TNFSF12: variants seen among roughly 807,000 people sequenced by gnomAD.
The protein encoded by TNFSF12 is TNF superfamily member 12, also known as tumor necrosis factor ligand superfamily member 12.
A neutral mutation model predicts 31.2 loss-of-function variants in TNFSF12; 16 were observed. That is an observed-to-expected ratio of 0.51 (90% CI 0.35 to 0.78). The LOEUF (loss-of-function observed/expected upper bound fraction) is 0.78. Among genes scored for constraint, TNFSF12 ranks in the 30% least tolerant of loss-of-function variants. TNFSF12 has a pLI of 0.01. For synonymous variants in TNFSF12, 150 were observed against 151.4 expected, an observed-to-expected ratio of 0.99 and a Z score of 0.07; for missense variants, 324 against 338.8, an observed-to-expected ratio of 0.96 and a Z score of 0.34.
At position 7,550,455 on chromosome 17, in the gene TNFSF12, C is replaced by G. The variant is rs115256008; in HGVS notation, c.283+260C>G. The stretch of plus-strand genomic sequence containing the variant: ...GGATCCTGATGGAGACTAGGCCTGG[C>G]AGTCAGAGGCCTGGGCCCCGGTAGG... On this transcript the variant is annotated intron_variant, in intron 3 of 6. Transcript: ENST00000293825. The surrounding 1 kb of genome is among the most constrained non-coding windows in gnomAD (Gnocchi z 4.4). 0.016 allele frequency among the ~76,000 whole-genome samples: 2,364 copies of G among 152,206 alleles called. 50 individuals are homozygous for G. The highest frequency in any genetic ancestry group is 0.053 in the African/African-American group (2,209 of 41,526).
At chr17:7,551,983 G>T (rs1045385420) in intron 5 of TNFSF12, among the ~76,000 whole-genome samples, 1 of 151,950 alleles carries the variant, frequency 6.6e-6, no homozygotes, top group African/African-American at 2.4e-5. Context: ...ATGGGGTTTT[G>T]CCATGTTTTC....
At chr17:7,551,750 G>A (rs1422316636) in intron 5 of TNFSF12, among the ~76,000 whole-genome samples, 7 of 152,122 alleles carry the variant, frequency 4.6e-5, no homozygotes, top group African/African-American at 1.7e-4. Context: ...TGGGTTGGAG[G>A]TGAAGAATAA....
Position 7,549,594 on chromosome 17 carries a change from T to C in TNFSF12, c.207+73T>C, listed in dbSNP as rs908631855. Reference sequence around the variant, plus strand: ...GTGCACAGCCGAGGCTGCAGGTGTGTGCAGCTGTGCCAGCCGTACTCGAGG... The same window carrying C: ...GTGCACAGCCGAGGCTGCAGGTGTGCGCAGCTGTGCCAGCCGTACTCGAGG... On this transcript the variant is annotated intron_variant, in intron 2 of 6. Transcript: ENST00000293825. This position sits in a 1 kb window ranked among gnomAD's most constrained non-coding sequence, Gnocchi z 4.1. The C allele has an allele frequency of 6.9e-7, 1 of 1,456,744 alleles. No individual in the cohort carries two copies. Among genetic ancestry groups the C allele is most frequent in the Non-Finnish European group, 9.1e-7 (1 of 1,098,498 alleles). The allele number at this position is 1,456,744 out of a possible 1,614,324, so 90.2% of individuals were successfully genotyped here. A position where few individuals can be genotyped will look rare whatever the true frequency, so the allele number is the denominator to read the frequency against.
Position 7,553,732 on chromosome 17 carries a change from G to T in TNFSF12, c.373+2754G>T, listed in dbSNP as rs1267404233. 3 of 1,249,050 alleles carry T rather than the reference G, an allele frequency of 2.4e-6. No individual in the cohort carries two copies. In the East Asian group the frequency reaches 1.7e-4, roughly 72 times the overall value. 77.4% of individuals were successfully genotyped at this position (1,249,050 alleles called of 1,614,324 possible). On this transcript the variant is annotated intron_variant, in intron 5 of 6. Coordinates refer to ENST00000293825, the MANE Select transcript of TNFSF12 (RefSeq NM_003809.3). ...GCAGGGGTGAGGGGTCCATGCAGGGGCCACATCCAAAAAGGGGAGAGGGAA... is the reference window on the plus strand; with the variant it reads ...GCAGGGGTGAGGGGTCCATGCAGGGTCCACATCCAAAAAGGGGAGAGGGAA...
intron 5 of TNFSF12, chr17:7,553,919 T>C (rs2071028716): frequency 2.0e-6 from 2 of 1,012,006 alleles, no homozygotes; most frequent in South Asian, 3.6e-5. Flanking sequence ...GACAGGAGAT[T>C]TGAGGAGAAA....
At chr17:7,554,717 T>TG (rs921794507) in intron 5 of TNFSF12, among the ~76,000 whole-genome samples, 13 of 141,854 alleles carry the variant, frequency 9.2e-5, no homozygotes, top group African/African-American at 3.5e-4. Context: ...CGGGTTCAAG[T>TG]GATTCTCCTG....
chr17:7,550,850 A>T lies in TNFSF12; in HGVS notation c.335A>T (p.Glu112Val). The T allele has an allele frequency of 6.2e-7, 1 of 1,612,876 alleles. No individual in the cohort carries two copies. Among genetic ancestry groups the T allele is most frequent in the Non-Finnish European group, 8.5e-7 (1 of 1,179,034 alleles). The change falls in exon 4 of 7, where the codon GAA (glutamate) becomes GTA (valine). Residue 112 changes from glutamate (E) to valine (V), a missense_variant and splice_region_variant. Glu to Val is a moderately radical substitution (Grantham distance 121). Transcript: ENST00000293825. The surrounding 1 kb of genome is among the most constrained non-coding windows in gnomAD (Gnocchi z 4.4). ...RARRAIAAHY[E>V]VHPRPGQDGA... is the part of the protein sequence containing the mutation. ...CGAAGAGCGATCGCAGCCCATTATG[A>T]AGGTGGGTGATGGGTGAGCCATACC...
chr17:7,553,932 G>T, intron 5 of TNFSF12: 1 of 993,754 alleles, frequency 1.0e-6, no homozygotes, highest in Non-Finnish European at 1.2e-6. Context: ...AGGAGAAATG[G>T]TACAAAATCT....
At chr17:7,553,876 C>T in intron 5 of TNFSF12, 5 of 1,082,166 alleles carry the variant, frequency 4.6e-6, no homozygotes. Context: ...TGCTCGATGA[C>T]TTCTAGGTCC....
In TNFSF12 at chr17:7,550,778, C is replaced by T; in HGVS notation, c.284-21C>T. ...CCCCACTAGGGCCCGCTTTGCTCAT[C>T]TGTCTTTCCTTGATCCTCAGCACCT... On this transcript the variant is annotated intron_variant, in intron 3 of 6. Coordinates refer to ENST00000293825, the MANE Select transcript of TNFSF12 (RefSeq NM_003809.3). This position sits in a 1 kb window ranked among gnomAD's most constrained non-coding sequence, Gnocchi z 4.4. 1.2e-6 allele frequency: 2 copies of T among 1,602,956 alleles called. No homozygotes were observed. The highest frequency in any genetic ancestry group is 1.7e-6 in the Non-Finnish European group (2 of 1,170,762).
Position 7,549,972 on chromosome 17 carries a change from C to A in TNFSF12, c.208-148C>A. The A allele has an allele frequency of 7.9e-7, 1 of 1,262,084 alleles. No individual in the cohort carries two copies. Among genetic ancestry groups the A allele is most frequent in the Non-Finnish European group, 1.1e-6 (1 of 893,524 alleles). 78.2% of individuals were successfully genotyped at this position (1,262,084 alleles called of 1,614,324 possible). On this transcript the variant is annotated intron_variant, in intron 2 of 6. Transcript: ENST00000293825. This position sits in a 1 kb window ranked among gnomAD's most constrained non-coding sequence, Gnocchi z 4.1. ...GCCTGACTCCCAGCTTCACCTTTGC[C>A]CGGGGCCCCAGCTGTAGTTGGCTGA...
rs1367926818 is a variant in TNFSF12, at chr17:7,549,439, A to T, written c.160-35A>T. 4.1e-6 allele frequency: 6 copies of T among 1,469,606 alleles called. No individual in the cohort carries two copies. The highest frequency in any genetic ancestry group is 2.6e-5 in the East Asian group (1 of 38,700). 91.0% of individuals were successfully genotyped at this position (1,469,606 alleles called of 1,614,324 possible). A position where few individuals can be genotyped will look rare whatever the true frequency, so the allele number is the denominator to read the frequency against. On this transcript the variant is annotated intron_variant, in intron 1 of 6. Transcript: ENST00000293825. This position sits in a 1 kb window ranked among gnomAD's most constrained non-coding sequence, Gnocchi z 4.1. ...GGGTGGAGGGTGAGATGTCAGGTGG[A>T]GCGGCACAGGGTGACGCTCCCTCCT...
Position 7,550,016 on chromosome 17 carries a change from G to T in TNFSF12, c.208-104G>T. ...TGGCTGAGGGGCTTAATCTGTCCCT[G>T]ACTTCTGTGTCTATTGCTGGCTGGT... On this transcript the variant is annotated intron_variant, in intron 2 of 6. Coordinates refer to ENST00000293825, the MANE Select transcript of TNFSF12 (RefSeq NM_003809.3). This position sits in a 1 kb window ranked among gnomAD's most constrained non-coding sequence, Gnocchi z 4.4. 6.3e-7 allele frequency: 1 copy of T among 1,579,556 alleles called. No homozygotes were observed. Among genetic ancestry groups the T allele is most frequent in the South Asian group, 1.1e-5 (1 of 89,476 alleles).
At chr17:7,556,461 A>C (rs908702689) in intron 5 of TNFSF12, among the ~76,000 whole-genome samples, 1 of 152,228 alleles carries the variant, frequency 6.6e-6, no homozygotes, top group African/African-American at 2.4e-5. Context: ...CATATAAAAG[A>C]AGCAAATAAT....
At chr17:7,553,300 C>T (rs1188664621) in intron 5 of TNFSF12, among the ~76,000 whole-genome samples, 2 of 152,048 alleles carry the variant, frequency 1.3e-5, no homozygotes, top group African/African-American at 4.8e-5. Flanking sequence ...CCACCCGCTT[C>T]GGCCTCCCAA....
intron 5 of TNFSF12, among the ~76,000 whole-genome samples, chr17:7,551,603 A>G (rs927119603): frequency 5.3e-5 from 8 of 152,096 alleles, no homozygotes; most frequent in Non-Finnish European, 8.8e-5. Context: ...GACTTTGCAC[A>G]TACCATCCCC....
chr17:7,554,859 C>T (rs1029833005), intron 5 of TNFSF12, among the ~76,000 whole-genome samples: 3 of 151,994 alleles, frequency 2.0e-5, no homozygotes, highest in African/African-American at 7.3e-5. Flanking sequence ...CCTCGTGATC[C>T]ACCCACCTTG....
At chr17:7,555,811 A>AG (rs1441661029) in intron 5 of TNFSF12, among the ~76,000 whole-genome samples, 3 of 151,814 alleles carry the variant, frequency 2.0e-5, no homozygotes, top group African/African-American at 7.3e-5. Flanking sequence ...GAGTGGGATG[A>AG]GGGGGGTCAG....
intron 5 of TNFSF12, among the ~76,000 whole-genome samples, chr17:7,554,669 G>T (rs1307963889): frequency 6.8e-6 from 1 of 146,712 alleles, no homozygotes; most frequent in African/African-American, 2.5e-5. Context: ...GCCCCAGCTG[G>T]AGTGCAGTGG....
Sources: allele counts gnomAD v4.1 joint callset (sites outside exome capture counted in the v4.1 genomes callset), GRCh38; gene constraint gnomAD v4.1.1; non-coding constraint Gnocchi (gnomAD v3.1); transcripts MANE v1.5; gene names NCBI Gene and HGNC (gene_info 2026-07-23, HGNC 2026-07-21).